HERC1: variants seen among roughly 807,000 people sequenced by gnomAD.
HERC1 encodes probable E3 ubiquitin-protein ligase HERC1.
HERC1 carries 160 observed loss-of-function variants against 554.3 expected under a neutral mutation model. The observed-to-expected ratio is 0.29, with a 90% confidence interval of 0.25 to 0.33. The LOEUF is 0.33. Among genes scored for constraint, HERC1 ranks in the 10% least tolerant of loss-of-function variants. HERC1 has a pLI of 1.00. For missense variants in HERC1, 4,919 were observed against 5,918.5 expected (o/e 0.83, Z 5.54); for synonymous variants, 2,175 against 2,131.7 (o/e 1.02, Z -0.56).
At position 63,775,687 on chromosome 15, in the gene HERC1, G is replaced by A. The variant is rs951191457; in HGVS notation, c.-26-38C>T. The A allele has an allele frequency of 2.3e-6, 3 of 1,288,418 alleles. No individual in the cohort carries two copies. Among genetic ancestry groups the A allele is most frequent in the Non-Finnish European group, 3.2e-6 (3 of 925,446 alleles). The allele number at this position is 1,288,418 out of a possible 1,614,324, so 79.8% of individuals were successfully genotyped here. A position where few individuals can be genotyped will look rare whatever the true frequency, so the allele number is the denominator to read the frequency against. ...AAGAGAAAACAGTCAAAAACATACA[G>A]AGGACTCATAAAATGTTTCCAAAAT... On this transcript the variant is annotated intron_variant, in intron 1 of 77. Transcript: ENST00000443617. The surrounding 1 kb of genome is among the most constrained non-coding windows in gnomAD (Gnocchi z 4.0).
chr15:63,813,502 TAATC>T (rs1195666215), intron 1 of HERC1, among the ~76,000 whole-genome samples: 2 of 151,988 alleles, frequency 1.3e-5, no homozygotes, highest in Non-Finnish European at 2.9e-5. Context: ...ACCCAAAAAA[TAATC>T]AATAACCCCA....
At chr15:63,651,427 A>C (rs560744706) in intron 52 of HERC1, 47 bp from the exon 53 acceptor site, 1 of 1,563,236 alleles carries the variant, frequency 6.4e-7, no homozygotes, top group Non-Finnish European at 8.7e-7. Context: ...CATCATTCAA[A>C]AGTAAATTAA....
At chr15:63,683,179 A>AAC in intron 34 of HERC1, among the ~76,000 whole-genome samples, 1 of 151,996 alleles carries the variant, frequency 6.6e-6, no homozygotes. Flanking sequence ...TAAGATGCAA[A>AAC]ATGTTACAAG....
intron 12 of HERC1, among the ~76,000 whole-genome samples, chr15:63,741,067 C>T (rs1463969621): frequency 2.6e-5 from 4 of 151,542 alleles, no homozygotes; most frequent in East Asian, 1.9e-4. Flanking sequence ...CTTGCCCTGT[C>T]GCCCAGGCTG....
At chr15:63,697,225 A>G (rs1017790709) in intron 26 of HERC1, among the ~76,000 whole-genome samples, 10 of 152,086 alleles carry the variant, frequency 6.6e-5, no homozygotes, top group Non-Finnish European at 1.3e-4. Context: ...AGTTGCCATG[A>G]CTTTTTAGTT....
At position 63,689,688 on chromosome 15, in the gene HERC1, G is replaced by T. The variant is rs1468162344; in HGVS notation, c.5949C>A (p.Arg1983=). 7.7e-6 allele frequency: 12 copies of T among 1,568,104 alleles called. No individual in the cohort carries two copies. The African/African-American group carries it at 1.5e-4, about 20-fold the overall frequency. Residue 1983 remains arginine (R), a synonymous_variant, in exon 33 of 78, where the codon CGC becomes CGA. Transcript: ENST00000443617. ...TACAATCAGAGAGAAGGGAAAATAA[G>T]CGCTCAACAATCTGTTTTATTGAAG... The part of the protein sequence containing the change: ...EDDQMAQIVE[R]LFSLLSDCMW...
intron 2 of HERC1, among the ~76,000 whole-genome samples, chr15:63,770,753 T>G (rs2075927094): frequency 6.6e-6 from 1 of 152,180 alleles, no homozygotes; most frequent in South Asian, 2.1e-4. Context: ...CCCTCTAACT[T>G]ATAGCTGGGA....
chr15:63,694,812 G>T lies in HERC1; in HGVS notation c.5204C>A (p.Thr1735Asn), dbSNP rs1333951724. ...VHKIYQQLSA[T>N]LERALQANKH... The stretch of plus-strand genomic sequence containing the variant: ...GTTTGCTTGCAGGGCTCTTTCCAGG[G>T]TAGCAGACAACTGTTGATAAATTTT... Residue 1735 changes from threonine (T) to asparagine (N), a missense_variant, in exon 28 of 78, where the codon ACC becomes AAC. Around this residue, in one of 11 missense-constraint regions of HERC1, gnomAD observed 1,121 missense variants for 1,244.0 expected, o/e 0.90. Transcript: ENST00000443617. The surrounding 1 kb of genome is among the most constrained non-coding windows in gnomAD (Gnocchi z 4.3). 1 of 1,613,728 alleles carries T rather than the reference G, an allele frequency of 6.2e-7. No homozygotes were observed. The highest frequency in any genetic ancestry group is 1.3e-5 in the African/African-American group (1 of 74,894).
chr15:63,646,421 A>C (rs2069341499), intron 55 of HERC1, among the ~76,000 whole-genome samples: 1 of 152,126 alleles, frequency 6.6e-6, no homozygotes, highest in Non-Finnish European at 1.5e-5. Context: ...GATTCTGTGC[A>C]ACAACAGAAC....
At chr15:63,652,659 C>A in intron 51 of HERC1, 118 bp from the exon 52 acceptor site, 1 of 828,846 alleles carries the variant, frequency 1.2e-6, no homozygotes, top group Non-Finnish European at 1.8e-6. Flanking sequence ...GCATCCATTC[C>A]TTTCTTTTCT....
At chr15:63,639,516 A>C (rs2068938724) in intron 61 of HERC1, among the ~76,000 whole-genome samples, 1 of 152,238 alleles carries the variant, frequency 6.6e-6, no homozygotes, top group South Asian at 2.1e-4. Flanking sequence ...CCCCATCATT[A>C]AGTGATGCAT....
At chr15:63,800,455 CCT>C (rs1373355595) in intron 1 of HERC1, among the ~76,000 whole-genome samples, 1 of 152,196 alleles carries the variant, frequency 6.6e-6, no homozygotes, top group Non-Finnish European at 1.5e-5. Flanking sequence ...TCCATTCCAT[CCT>C]CTTTCACCCA....
intron 34 of HERC1, among the ~76,000 whole-genome samples, chr15:63,683,640 C>A (rs2071596777): frequency 1.3e-5 from 2 of 152,106 alleles, no homozygotes; most frequent in South Asian, 2.1e-4. Flanking sequence ...AGGTCCTACA[C>A]CATCTAAGGT....
chr15:63,750,555 C>A (rs1225425970), intron 8 of HERC1, among the ~76,000 whole-genome samples: 1 of 152,114 alleles, frequency 6.6e-6, no homozygotes, highest in African/African-American at 2.4e-5. Context: ...TATCTTCATG[C>A]CATCAAATTT....
intron 12 of HERC1, among the ~76,000 whole-genome samples, chr15:63,741,271 C>T (rs56070389): frequency 0.032 from 4,901 of 151,986 alleles, 260 homozygotes; most frequent in African/African-American, 0.11. Context: ...TCGTGATCCA[C>T]CCGCCTCAGC....
At chr15:63,706,866 G>A (rs1220087893) in intron 24 of HERC1, 35 bp from the exon 25 acceptor site, 5 of 1,304,410 alleles carry the variant, frequency 3.8e-6, no homozygotes, top group Non-Finnish European at 5.4e-6. Context: ...ATAAAATTTA[G>A]TTGTGAAAAG....
intron 74 of HERC1, among the ~76,000 whole-genome samples, chr15:63,622,598 G>A (rs1047645113): frequency 2.0e-5 from 3 of 152,122 alleles, no homozygotes; most frequent in African/African-American, 4.8e-5. Flanking sequence ...CTCCCAAAGT[G>A]CTGGAATTAC....
intron 1 of HERC1, among the ~76,000 whole-genome samples, chr15:63,799,133 T>C (rs371611239): frequency 3.9e-5 from 6 of 152,190 alleles, no homozygotes; most frequent in African/African-American, 7.2e-5. Context: ...TTATAAACTC[T>C]GTAGCTTAGC....
chr15:63,692,103 G>T lies in HERC1; in HGVS notation c.5830+308C>A, dbSNP rs149752142. Among the ~76,000 whole-genome samples the T allele has an allele frequency of 3.3e-5, 5 of 152,204 alleles. No homozygotes were observed. Among genetic ancestry groups the T allele is most frequent in the Non-Finnish European group, 5.9e-5 (4 of 68,036 alleles). On this transcript the variant is annotated intron_variant, in intron 31 of 77. Transcript: ENST00000443617. This position sits in a 1 kb window ranked among gnomAD's most constrained non-coding sequence, Gnocchi z 4.7. ...CCTGATAATCCAAGAAGCAAGGTCG[G>T]AATCTGTGCTAAAATATCGTATTAA...
Sources: gnomAD v4.1 joint callset for allele counts (sites outside exome capture counted in the v4.1 genomes callset) on GRCh38, gnomAD v4.1.1 for gene constraint, gnomAD v4.1.1 regional missense constraint, Gnocchi (gnomAD v3.1) non-coding constraint, MANE v1.5 for transcripts, NCBI Gene and HGNC (gene_info 2026-07-23, HGNC 2026-07-21) for gene names.